DPYSL2: variants seen among roughly 807,000 people sequenced by gnomAD.
The protein encoded by DPYSL2 is dihydropyrimidinase like 2.
In DPYSL2, 13 loss-of-function variants were observed where a neutral mutation model predicts 69.9. The ratio of observed to expected loss-of-function variants is 0.19; its 90% CI spans 0.12 to 0.30. The LOEUF (loss-of-function observed/expected upper bound fraction) is 0.30. Ranked by LOEUF, DPYSL2 falls within the 10% of genes least tolerant of loss-of-function variation. The pLI is 1.00. For synonymous variants in DPYSL2, 326 were observed against 359.1 expected (o/e 0.91, Z 1.04); for missense variants, 587 against 918.9 (o/e 0.64, Z 4.67).
At position 26,586,699 on chromosome 8, in the gene DPYSL2, G is replaced by A. The variant is rs999911522; in HGVS notation, c.628+2716G>A. 1.3e-5 allele frequency among the ~76,000 whole-genome samples: 2 copies of A among 152,172 alleles called. No homozygotes were observed. Among genetic ancestry groups the A allele is most frequent in the Non-Finnish European group, 2.9e-5 (2 of 68,050 alleles). ...AGGGACGAGGGACATCCCCCTCTGAGTGCAGCACCTGGCCCAGGGAGCTCA... is the reference window on the plus strand; with the variant it reads ...AGGGACGAGGGACATCCCCCTCTGAATGCAGCACCTGGCCCAGGGAGCTCA... On this transcript the variant is annotated intron_variant, in intron 3 of 13. Transcript: ENST00000521913. The surrounding 1 kb of genome is among the most constrained non-coding windows in gnomAD (Gnocchi z 4.7).
At position 26,639,155 on chromosome 8, in the gene DPYSL2, G is replaced by A. The variant is rs4733044; in HGVS notation, c.1126+4255G>A. Among the ~76,000 whole-genome samples, 6 of 152,190 alleles carry A rather than the reference G, an allele frequency of 3.9e-5. No homozygotes were observed. The South Asian group carries it at 1.2e-3, about 32-fold the overall frequency. The stretch of plus-strand genomic sequence containing the variant: ...TGAGAAGCACATGGTCGCAGGGCCT[G>A]TGAGGACCACCTCAGCTTGGGGATG... On this transcript the variant is annotated intron_variant, in intron 8 of 13. Transcript: ENST00000521913.
chr8:26,598,325 T>C lies in DPYSL2; in HGVS notation c.628+14342T>C, dbSNP rs764455867. 6.6e-5 allele frequency among the ~76,000 whole-genome samples: 10 copies of C among 152,246 alleles called. No individual in the cohort carries two copies. Among genetic ancestry groups the C allele is most frequent in the Non-Finnish European group, 1.5e-4 (10 of 68,042 alleles). On this transcript the variant is annotated intron_variant, in intron 3 of 13. Coordinates refer to ENST00000521913, the MANE Select transcript of DPYSL2 (RefSeq NM_001197293.3). The surrounding 1 kb of genome is among the most constrained non-coding windows in gnomAD (Gnocchi z 4.2). ...CGAGAATCAATTAAAATGGTCAGCA[T>C]TGCTATGAAATGGTTTATTTTTTTG...
At chr8:26,561,529 A>G (rs1195490544) in intron 1 of DPYSL2, among the ~76,000 whole-genome samples, 2 of 152,002 alleles carry the variant, frequency 1.3e-5, no homozygotes, top group Non-Finnish European at 2.9e-5. Flanking sequence ...CCGAGTGGAA[A>G]TCCTGATCAG....
At position 26,605,698 on chromosome 8, in the gene DPYSL2, C is replaced by A. The variant is rs944970007; in HGVS notation, c.629-18445C>A. On this transcript the variant is annotated intron_variant, in intron 3 of 13. Transcript: ENST00000521913. This position sits in a 1 kb window ranked among gnomAD's most constrained non-coding sequence, Gnocchi z 4.1. Reference sequence around the variant, plus strand: ...AGCTTCCCTGTATGTCATAAATAACCAATCAGAAAACATAATTTAAAAAAT... The same window carrying A: ...AGCTTCCCTGTATGTCATAAATAACAAATCAGAAAACATAATTTAAAAAAT... Among the ~76,000 whole-genome samples the A allele has an allele frequency of 2.6e-5, 4 of 151,804 alleles. No individual in the cohort carries two copies. Among genetic ancestry groups the A allele is most frequent in the Non-Finnish European group, 5.9e-5 (4 of 67,938 alleles).
Position 26,658,076 on chromosome 8 carries a change from A to T in DPYSL2, c.*2370A>T, listed in dbSNP as rs111810347. On this transcript the variant is annotated 3_prime_UTR_variant, in exon 14 of 14. Coordinates refer to ENST00000521913, the MANE Select transcript of DPYSL2 (RefSeq NM_001197293.3). This position sits in a 1 kb window ranked among gnomAD's most constrained non-coding sequence, Gnocchi z 4.7. ...TTTGTAACCACTGTCTTGATGGCAA[A>T]ATAATTATGGTAAAAAACAAGTCTC... The T allele has an allele frequency of 6.6e-6, 1 of 152,514 alleles. No individual in the cohort carries two copies. Among genetic ancestry groups the T allele is most frequent in the African/African-American group, 2.4e-5 (1 of 41,406 alleles). 9.4% of individuals were successfully genotyped at this position (152,514 alleles called of 1,614,324 possible). A position where few individuals can be genotyped will look rare whatever the true frequency, so the allele number is the denominator to read the frequency against.
At chr8:26,628,154 C>G (rs767013790) in intron 7 of DPYSL2, among the ~76,000 whole-genome samples, 1 of 152,206 alleles carries the variant, frequency 6.6e-6, no homozygotes, top group Admixed American at 6.5e-5. Context: ...TGGACTGTTT[C>G]GCCAGAAGAT....
In DPYSL2 at chr8:26,647,883, T is replaced by C; in HGVS notation, c.1596+83T>C. ...GACGGAGGGAGAGCCCCAGGGTTTC[T>C]AAAAAGAACTTGCTGTGATGGGAAT... On this transcript the variant is annotated intron_variant, in intron 11 of 13. Transcript: ENST00000521913. The surrounding 1 kb of genome is among the most constrained non-coding windows in gnomAD (Gnocchi z 5.1). 6.8e-7 allele frequency: 1 copy of C among 1,469,666 alleles called. No individual in the cohort carries two copies. The highest frequency in any genetic ancestry group is 1.4e-5 in the South Asian group (1 of 71,708). 91.0% of individuals were successfully genotyped at this position (1,469,666 alleles called of 1,614,324 possible).
chr8:26,557,022 T>C (rs1260723438), intron 1 of DPYSL2, among the ~76,000 whole-genome samples: 1 of 151,998 alleles, frequency 6.6e-6, no homozygotes, highest in East Asian at 1.9e-4. Context: ...GCCAACCCCA[T>C]GCAAAAACAT....
At chr8:26,655,496 C>CAA in intron 13 of DPYSL2, 119 bp from the exon 14 acceptor site, 6 of 876,126 alleles carry the variant, frequency 6.8e-6, no homozygotes, top group East Asian at 2.7e-5. Flanking sequence ...ACGCTGTCTC[C>CAA]AAAAAAAAAG....
chr8:26,568,308 C>A (rs1467361673), intron 1 of DPYSL2, among the ~76,000 whole-genome samples: 1 of 152,158 alleles, frequency 6.6e-6, no homozygotes. Flanking sequence ...ATTGGTAAAG[C>A]ATCACGTGCC....
At chr8:26,553,147 A>C (rs1301571436) in intron 1 of DPYSL2, among the ~76,000 whole-genome samples, 3 of 152,246 alleles carry the variant, frequency 2.0e-5, no homozygotes, top group African/African-American at 7.2e-5. Context: ...TATTAAAGAA[A>C]TACAATAGAA....
intron 3 of DPYSL2, among the ~76,000 whole-genome samples, chr8:26,618,236 C>T (rs937101979): frequency 7.9e-5 from 12 of 152,026 alleles, no homozygotes; most frequent in African/African-American, 2.9e-4. Flanking sequence ...CAGTGTGTGC[C>T]AGGCATTTTG....
rs1207911663 is a variant in DPYSL2 at position 26,514,289 on chromosome 8, G to A, written c.-37G>A. On this transcript the variant is annotated 5_prime_UTR_variant, in exon 1 of 14. Transcript: ENST00000521913. The surrounding 1 kb of genome is among the most constrained non-coding windows in gnomAD (Gnocchi z 8.4). ...GAGACTTAGGGACTGGCAGACGGAC[G>A]GACGGACGGCGAGGACCCTACCCGA... 2.1e-6 allele frequency: 3 copies of A among 1,414,506 alleles called. No homozygotes were observed. The highest frequency in any genetic ancestry group is 3.0e-5 in the African/African-American group (2 of 67,614). 87.6% of individuals were successfully genotyped at this position (1,414,506 alleles called of 1,614,324 possible). A position where few individuals can be genotyped will look rare whatever the true frequency, so the allele number is the denominator to read the frequency against.
chr8:26,541,064 CA>C (rs1800676925), intron 1 of DPYSL2, among the ~76,000 whole-genome samples: 1 of 152,118 alleles, frequency 6.6e-6, no homozygotes, highest in African/African-American at 2.4e-5. Context: ...TAAGTCAAAA[CA>C]CCATGTTGGG....
rs1219508937 is a variant in DPYSL2, at chr8:26,516,548, T to A, written c.354+1869T>A. ...CTCAAGTTTGAAAGGCATAGTTTTA[T>A]CGGGTTGAATAACACTTCTTTTTTC... On this transcript the variant is annotated intron_variant, in intron 1 of 13. Transcript: ENST00000521913. This position sits in a 1 kb window ranked among gnomAD's most constrained non-coding sequence, Gnocchi z 4.8. Among the ~76,000 whole-genome samples the A allele has an allele frequency of 1.3e-5, 2 of 152,222 alleles. No homozygotes were observed. The highest frequency in any genetic ancestry group is 2.9e-5 in the Non-Finnish European group (2 of 68,040).
intron 1 of DPYSL2, among the ~76,000 whole-genome samples, chr8:26,569,414 A>G (rs1801204154): frequency 6.6e-6 from 1 of 151,802 alleles, no homozygotes; most frequent in South Asian, 2.1e-4. Flanking sequence ...GCCTGGGATG[A>G]ATCAGGATTA....
intron 3 of DPYSL2, among the ~76,000 whole-genome samples, chr8:26,602,933 C>A (rs186228389): frequency 6.6e-6 from 1 of 152,134 alleles, no homozygotes; most frequent in African/African-American, 2.4e-5. Flanking sequence ...CCTTGAAAGC[C>A]GGCTCAAATT....
intron 1 of DPYSL2, among the ~76,000 whole-genome samples, chr8:26,568,797 AG>A (rs1440103949): frequency 7.1e-6 from 1 of 141,698 alleles, no homozygotes; most frequent in Non-Finnish European, 1.5e-5. Context: ...TTCTGAATCA[AG>A]GAGGGCCCAG....
chr8:26,614,314 G>A lies in DPYSL2; in HGVS notation c.629-9829G>A, dbSNP rs1177882297. ...CCAGGCACTGGCAGGATGGGGGCCA[G>A]TGTGCAGTGGGCCAAGAGGGAATGG... On this transcript the variant is annotated intron_variant, in intron 3 of 13. Coordinates refer to ENST00000521913, the MANE Select transcript of DPYSL2 (RefSeq NM_001197293.3). This position sits in a 1 kb window ranked among gnomAD's most constrained non-coding sequence, Gnocchi z 4.9. Among the ~76,000 whole-genome samples, 1 of 152,106 alleles carries A rather than the reference G, an allele frequency of 6.6e-6. No individual in the cohort carries two copies. The highest frequency in any genetic ancestry group is 1.5e-5 in the Non-Finnish European group (1 of 68,014).
Sources: allele counts gnomAD v4.1 joint callset (sites outside exome capture counted in the v4.1 genomes callset), GRCh38; gene constraint gnomAD v4.1.1; non-coding constraint Gnocchi (gnomAD v3.1); transcripts MANE v1.5; gene names NCBI Gene and HGNC (gene_info 2026-07-23, HGNC 2026-07-21).